YME1L1: variants seen among roughly 807,000 people sequenced by gnomAD.
YME1L1 encodes ATP-dependent zinc metalloprotease YME1L1.
In YME1L1, 39 loss-of-function variants were observed where a neutral mutation model predicts 90.4. That is an observed-to-expected ratio of 0.43 (90% CI 0.33 to 0.56). The LOEUF is 0.56. Among genes scored for constraint, YME1L1 ranks in the 20% least tolerant of loss-of-function variants. YME1L1 has a pLI of 0.03. For synonymous variants in YME1L1, 284 were observed against 287.3 expected (o/e 0.99, Z 0.12); for missense variants, 617 against 868.4 (o/e 0.71, Z 3.64).
In YME1L1 at chr10:27,122,708, C is replaced by T. The variant is rs1003981150; in HGVS notation, c.1235+133G>A. 4.5e-5 allele frequency: 56 copies of T among 1,243,304 alleles called. No homozygotes were observed. The African/African-American group carries it at 7.4e-4, about 17-fold the overall frequency. 77.0% of individuals were successfully genotyped at this position (1,243,304 alleles called of 1,614,324 possible). A position where few individuals can be genotyped will look rare whatever the true frequency, so the allele number is the denominator to read the frequency against. ...TCTTGCATGAGGGACTACTCTGTTT[C>T]CTATACACATCACATTTTTCATATC... On this transcript the variant is annotated intron_variant, in intron 11 of 18. Coordinates refer to ENST00000376016, the MANE Select transcript of YME1L1 (RefSeq NM_014263.4).
rs2056752796 is a variant in YME1L1, at chr10:27,110,890, C to CA, written c.*1086dup. 6.6e-6 allele frequency: 1 copy of CA among 151,886 alleles called. No homozygotes were observed. The highest frequency in any genetic ancestry group is 2.4e-5 in the African/African-American group (1 of 41,344). 9.4% of individuals were successfully genotyped at this position (151,886 alleles called of 1,614,324 possible). ...TAATTTATTTAATTTTTTTTTGAGACAGAGTCTCACTCTGTCACCCAGGCT... is the reference window on the plus strand; with the variant it reads ...TAATTTATTTAATTTTTTTTTGAGACAAGAGTCTCACTCTGTCACCCAGGCT... On this transcript the variant is annotated 3_prime_UTR_variant, in exon 19 of 19. Coordinates refer to ENST00000376016, the MANE Select transcript of YME1L1 (RefSeq NM_014263.4).
chr10:27,133,532 A>G (rs1588600700), intron 7 of YME1L1, among the ~76,000 whole-genome samples: 1 of 152,214 alleles, frequency 6.6e-6, no homozygotes, highest in East Asian at 1.9e-4. Context: ...AATGAACACC[A>G]ATAGTTTTGG....
At chr10:27,145,627 T>G in intron 2 of YME1L1, 37 bp from the exon 3 acceptor site, 1 of 1,550,064 alleles carries the variant, frequency 6.5e-7, no homozygotes, top group South Asian at 1.2e-5. Flanking sequence ...TGCATTAATA[T>G]TATCAAGATA....
chr10:27,145,374 TA>T, intron 3 of YME1L1, 53 bp downstream of exon 3: 1 of 1,404,842 alleles, frequency 7.1e-7, no homozygotes, highest in Non-Finnish European at 9.6e-7. Context: ...ATGGTATCTA[TA>T]ATTATTAATA....
intron 18 of YME1L1, 130 bp downstream of exon 18, chr10:27,114,391 G>A (rs1564454347): frequency 1.5e-6 from 1 of 653,312 alleles, no homozygotes; most frequent in Non-Finnish European, 2.5e-6. Context: ...ACACCATGGT[G>A]ACTATTATCT....
chr10:27,119,335 G>T lies in YME1L1; in HGVS notation c.1526C>A (p.Thr509Asn). 1 of 1,612,666 alleles carries T rather than the reference G, an allele frequency of 6.2e-7. No homozygotes were observed. Among genetic ancestry groups the T allele is most frequent in the Non-Finnish European group, 8.5e-7 (1 of 1,179,510 alleles). Reference sequence around the variant, plus strand: ...TTTGGAAAACTCCAGCTCCTTCATGGTAACCATTTCTTTTCCATCAACAGC... The same window carrying T: ...TTTGGAAAACTCCAGCTCCTTCATGTTAACCATTTCTTTTCCATCAACAGC... ...KAAVDGKEMVTMKELEFSKDK... is the reference protein window; with the variant it reads ...KAAVDGKEMVNMKELEFSKDK... The change falls in exon 14 of 19, where the codon ACC becomes AAC. Residue 509 changes from threonine to asparagine, a missense_variant. Around this residue, in one of 4 missense-constraint regions of YME1L1, gnomAD observed 212 missense variants for 330.0 expected, o/e 0.64. Transcript: ENST00000376016.
At chr10:27,154,142 CG>C in intron 1 of YME1L1, 35 bp downstream of exon 1, 1 of 1,570,808 alleles carries the variant, frequency 6.4e-7, no homozygotes, top group Non-Finnish European at 8.6e-7. Context: ...ACGGGCAGGG[CG>C]GGAGGAAAAA....
At position 27,114,616 on chromosome 10, in the gene YME1L1, A is replaced by G. The variant is rs371963269; in HGVS notation, c.1921-9T>C. On this transcript the variant is annotated splice_polypyrimidine_tract_variant and intron_variant, in intron 17 of 18. Coordinates refer to ENST00000376016, the MANE Select transcript of YME1L1 (RefSeq NM_014263.4). ...TAGGTCATAACTCCAAGCTAAAACC[A>G]AAAGGAAGAAAGTAATTGAACAGAA... The G allele has an allele frequency of 6.3e-5, 101 of 1,605,790 alleles. No individual in the cohort carries two copies. The highest frequency in any genetic ancestry group is 8.4e-5 in the Non-Finnish European group (99 of 1,176,506).
rs146422192 is a variant in YME1L1 at position 27,141,936 on chromosome 10, A to C, written c.430+451T>G. On this transcript the variant is annotated intron_variant, in intron 4 of 18. Coordinates refer to ENST00000376016, the MANE Select transcript of YME1L1 (RefSeq NM_014263.4). ...CTATCACTAGTGCCTTGTATTCAAA[A>C]ATTATATGAATAAATGCAAATTTGA... Among the ~76,000 whole-genome samples, 38 of 152,348 alleles carry C rather than the reference A, an allele frequency of 2.5e-4. 1 individual carries two copies. In the East Asian group the frequency reaches 7.3e-3, roughly 29 times the overall value.
intron 8 of YME1L1, among the ~76,000 whole-genome samples, chr10:27,131,001 C>G (rs942768557): frequency 1.3e-5 from 2 of 152,216 alleles, no homozygotes; most frequent in African/African-American, 4.8e-5. Flanking sequence ...CAAAAATGAA[C>G]AAGTCAGACA....
At chr10:27,147,949 C>G (rs2057164399) in intron 2 of YME1L1, among the ~76,000 whole-genome samples, 1 of 152,106 alleles carries the variant, frequency 6.6e-6, no homozygotes, top group Non-Finnish European at 1.5e-5. Flanking sequence ...GGCATGACAT[C>G]ACAGCAACTT....
intron 1 of YME1L1, among the ~76,000 whole-genome samples, chr10:27,152,680 C>A (rs1051239236): frequency 6.6e-6 from 1 of 152,164 alleles, no homozygotes; most frequent in Non-Finnish European, 1.5e-5. Context: ...GTAAATAGCA[C>A]CTTCAATGCA....
Position 27,126,696 on chromosome 10 carries a change from CTTTTGG to C in YME1L1, c.943_948del (p.Pro315_Lys316del). 6.7e-7 allele frequency: 1 copy of C among 1,484,302 alleles called. No individual in the cohort carries two copies. Among genetic ancestry groups the C allele is most frequent in the Non-Finnish European group, 9.2e-7 (1 of 1,091,920 alleles). The allele number at this position is 1,484,302 out of a possible 1,614,324, so 91.9% of individuals were successfully genotyped here. A position where few individuals can be genotyped will look rare whatever the true frequency, so the allele number is the denominator to read the frequency against. ...TCATGATAAAGAAAAGATATCTTAC[CTTTTGG>C]AAGTTTACCTCCAAGAATAGTAAAT... On this transcript the variant is annotated inframe_deletion and splice_region_variant, in exon 9 of 19. Transcript: ENST00000376016.
At position 27,147,725 on chromosome 10, in the gene YME1L1, G is replaced by C. The variant is rs973929322; in HGVS notation, c.168+1181C>G. Reference sequence around the variant, plus strand: ...TGGTATGCTCATTTAGCAAGTTCCTGTCTGTAACACCCGTGGTTTCTATAG... The same window carrying C: ...TGGTATGCTCATTTAGCAAGTTCCTCTCTGTAACACCCGTGGTTTCTATAG... On this transcript the variant is annotated intron_variant, in intron 2 of 18. Transcript: ENST00000376016. 6 of 1,545,776 alleles carry C rather than the reference G, an allele frequency of 3.9e-6. No individual in the cohort carries two copies. The East Asian group carries it at 1.5e-4, about 38-fold the overall frequency.
At chr10:27,141,643 CACACAG>C (rs779696357) in intron 4 of YME1L1, among the ~76,000 whole-genome samples, 11 of 121,136 alleles carry the variant, frequency 9.1e-5, no homozygotes, top group South Asian at 2.7e-4. Flanking sequence ...CACACACACA[CACACAG>C]ACGTCTTATT....
chr10:27,114,708 G>A (rs1338561850), intron 17 of YME1L1, 101 bp from the exon 18 acceptor site: 2 of 782,020 alleles, frequency 2.6e-6, no homozygotes, highest in Admixed American at 5.9e-5. Flanking sequence ...CAAATATATG[G>A]GGGACAAGAA....
chr10:27,112,513 G>A (rs1265395754), intron 18 of YME1L1, among the ~76,000 whole-genome samples: 1 of 152,166 alleles, frequency 6.6e-6, no homozygotes, highest in Non-Finnish European at 1.5e-5. Context: ...TTACTTCACA[G>A]TAAACAGCTG....
chr10:27,131,939 G>A lies in YME1L1; in HGVS notation c.778C>T (p.Arg260Cys), dbSNP rs1214849265. 4.4e-6 allele frequency: 7 copies of A among 1,605,280 alleles called. No homozygotes were observed. Among genetic ancestry groups the A allele is most frequent in the East Asian group, 4.5e-5 (2 of 44,780 alleles). The change falls in exon 8 of 19, where the codon CGC becomes TGC. Residue 260 changes from arginine to cysteine, a missense_variant and splice_region_variant. Transcript: ENST00000376016. ...GLLKNPFLSVRFRTTTGLDSA... is the reference protein window; with the variant it reads ...GLLKNPFLSVCFRTTTGLDSA... ...TCAAGCCCTGTTGTTGTCCGGAAGC[G>A]GACTAAAGGGAAGAAAAGAAATGTT...
At chr10:27,119,510 C>T (rs1469840497) in intron 13 of YME1L1, 61 bp from the exon 14 acceptor site, 3 of 1,532,062 alleles carry the variant, frequency 2.0e-6, no homozygotes, top group Middle Eastern at 1.8e-4. Flanking sequence ...AAGCTCTTCA[C>T]AAAGAACTCA....
Sources: gnomAD v4.1 joint callset for allele counts (sites outside exome capture counted in the v4.1 genomes callset) on GRCh38, gnomAD v4.1.1 for gene constraint, gnomAD v4.1.1 regional missense constraint, MANE v1.5 for transcripts, NCBI Gene and HGNC (gene_info 2026-07-23, HGNC 2026-07-21) for gene names.